Variants in EML6 observed in about 807,000 individuals in gnomAD.
EML6 encodes echinoderm microtubule-associated protein-like 6.
A neutral mutation model predicts 240.1 loss-of-function variants in EML6; 154 were observed. That is an observed-to-expected ratio of 0.64 (90% confidence interval 0.56 to 0.73). The LOEUF (loss-of-function observed/expected upper bound fraction) is 0.73. Among genes scored for constraint, EML6 ranks in the 30% least tolerant of loss-of-function variants. The pLI, the probability that EML6 is intolerant of heterozygous loss-of-function variation, is 0.00. For missense variants in EML6, 2,964 were observed against 2,474.6 expected, an observed-to-expected ratio of 1.20 and a Z score of -4.20; for synonymous variants, 1,148 against 899.0, an observed-to-expected ratio of 1.28 and a Z score of -4.95.
intron 26 of EML6, 82 bp from the exon 27 acceptor site, chr2:54,928,231 C>A: frequency 2.8e-6 from 3 of 1,057,264 alleles, no homozygotes; most frequent in Non-Finnish European, 2.9e-6. Context: ...TCCTTTGTAT[C>A]CAGTAGAAAC....
At chr2:54,726,718 T>G (rs960643191) in intron 2 of EML6, among the ~76,000 whole-genome samples, 9 of 152,350 alleles carry the variant, frequency 5.9e-5, no homozygotes, top group African/African-American at 2.2e-4. Flanking sequence ...GCTAGGCTGA[T>G]TATGAAAGTT....
chr2:54,755,817 G>A (rs545274100), intron 2 of EML6, among the ~76,000 whole-genome samples: 2 of 152,014 alleles, frequency 1.3e-5, no homozygotes, highest in Admixed American at 1.3e-4. Flanking sequence ...AGGCAACCAC[G>A]CCTGGCTAAT....
intron 2 of EML6, among the ~76,000 whole-genome samples, chr2:54,789,338 C>A (rs11125545): frequency 0.12 from 17,445 of 150,908 alleles, 1,455 homozygotes; most frequent in East Asian, 0.28. Flanking sequence ...ACGGTGAAAC[C>A]CCGTCTCTAC....
chr2:54,757,043 A>T (rs1341975825), intron 2 of EML6, among the ~76,000 whole-genome samples: 1 of 151,824 alleles, frequency 6.6e-6, no homozygotes, highest in Non-Finnish European at 1.5e-5. Flanking sequence ...TTTATATTTT[A>T]AAATGCTTTT....
At chr2:54,862,626 A>G (rs768834353) in intron 12 of EML6, among the ~76,000 whole-genome samples, 11 of 152,288 alleles carry the variant, frequency 7.2e-5, no homozygotes, top group Non-Finnish European at 1.2e-4. Flanking sequence ...TGGCAGAAAA[A>G]TTCCCAAGCC....
chr2:54,915,812 T>C (rs1673879876), intron 25 of EML6, among the ~76,000 whole-genome samples: 1 of 152,176 alleles, frequency 6.6e-6, no homozygotes, highest in Non-Finnish European at 1.5e-5. Context: ...GCTTTAATTT[T>C]AGCTACAGTT....
chr2:54,847,762 C>G (rs1669849088), intron 9 of EML6, 139 bp downstream of exon 9: 2 of 936,576 alleles, frequency 2.1e-6, no homozygotes, highest in Non-Finnish European at 3.1e-6. Context: ...TCTACGATCC[C>G]CTATCTGTAA....
At chr2:54,735,247 G>A (rs1683341373) in intron 2 of EML6, among the ~76,000 whole-genome samples, 1 of 152,192 alleles carries the variant, frequency 6.6e-6, no homozygotes, top group Non-Finnish European at 1.5e-5. Context: ...GCATCGTGTT[G>A]CATTTGTTGA....
At chr2:54,970,029 A>G (rs1487979470) in intron 41 of EML6, 42 bp from the exon 42 acceptor site, 1 of 1,549,962 alleles carries the variant, frequency 6.5e-7, no homozygotes, top group South Asian at 1.2e-5. Context: ...CACAAGTATG[A>G]TGTCCAGCTA....
intron 2 of EML6, among the ~76,000 whole-genome samples, chr2:54,796,201 T>C (rs557002556): frequency 1.8e-4 from 28 of 152,316 alleles, no homozygotes; most frequent in African/African-American, 6.5e-4. Context: ...TCTCTCCATA[T>C]CTACATCTAA....
intron 4 of EML6, among the ~76,000 whole-genome samples, chr2:54,819,435 T>G (rs1668224463): frequency 6.6e-6 from 1 of 152,174 alleles, no homozygotes; most frequent in African/African-American, 2.4e-5. Flanking sequence ...TTCTTGTCTC[T>G]GGATTGGAAA....
At chr2:54,906,991 C>T (rs1443241870) in intron 24 of EML6, among the ~76,000 whole-genome samples, 1 of 152,124 alleles carries the variant, frequency 6.6e-6, no homozygotes, top group Non-Finnish European at 1.5e-5. Context: ...ATGGCACAGC[C>T]GCCAGCCTCA....
rs1261477152 is a variant in EML6 at position 54,745,484 on chromosome 2, A to C, written c.197+20226A>C. 3.9e-5 allele frequency among the ~76,000 whole-genome samples: 6 copies of C among 152,204 alleles called. No homozygotes were observed. The East Asian group carries it at 7.7e-4, about 20-fold the overall frequency. On this transcript the variant is annotated intron_variant, in intron 2 of 41. Coordinates refer to ENST00000356458, the MANE Select transcript of EML6 (RefSeq NM_001039753.4). Reference sequence around the variant, plus strand: ...TGCATGTGAAATGAAAAGGCACAAGACCTTAAGACAGGCCAAGTCTGGTGG... The same window carrying C: ...TGCATGTGAAATGAAAAGGCACAAGCCCTTAAGACAGGCCAAGTCTGGTGG...
At chr2:54,857,145 G>A (rs997742551) in intron 11 of EML6, among the ~76,000 whole-genome samples, 1 of 152,228 alleles carries the variant, frequency 6.6e-6, no homozygotes. Flanking sequence ...ATAAGGGGAA[G>A]AGGAATGTCT....
intron 26 of EML6, among the ~76,000 whole-genome samples, chr2:54,923,719 T>C (rs1009798049): frequency 2.0e-5 from 3 of 152,176 alleles, no homozygotes; most frequent in Non-Finnish European, 4.4e-5. Flanking sequence ...CATGTACCTA[T>C]ATAAACATCT....
At chr2:54,818,360 CTG>C (rs1668172079) in intron 4 of EML6, among the ~76,000 whole-genome samples, 1 of 152,194 alleles carries the variant, frequency 6.6e-6, no homozygotes, top group Non-Finnish European at 1.5e-5. Context: ...AGTGACCAAA[CTG>C]AAAATTTAGG....
chr2:54,857,713 T>G (rs1573013639), intron 11 of EML6, among the ~76,000 whole-genome samples: 2 of 152,094 alleles, frequency 1.3e-5, no homozygotes, highest in South Asian at 4.1e-4. Flanking sequence ...TGAAGGAGAA[T>G]GAAGGATCCA....
At position 54,964,667 on chromosome 2, in the gene EML6, C is replaced by T. The variant is rs1263681393; in HGVS notation, c.5427C>T (p.Gly1809=). The T allele has an allele frequency of 1.9e-6, 3 of 1,552,328 alleles. No homozygotes were observed. The highest frequency in any genetic ancestry group is 2.6e-6 in the Non-Finnish European group (3 of 1,147,108). ...LTQGTNLNRI[G]YCKDIPSFVI... is the part of the protein sequence containing the mutation. Reference sequence around the variant, plus strand: ...AGGGCACAAATCTGAACCGCATTGGCTACTGCAAAGATATCCCAAGCTTTG... The same window carrying T: ...AGGGCACAAATCTGAACCGCATTGGTTACTGCAAAGATATCCCAAGCTTTG... Residue 1809 remains glycine, a synonymous_variant, in exon 38 of 42, where the codon GGC becomes GGT. Coordinates refer to ENST00000356458, the MANE Select transcript of EML6 (RefSeq NM_001039753.4).
chr2:54,895,256 A>G lies in EML6; in HGVS notation c.2855-17A>G. On this transcript the variant is annotated splice_polypyrimidine_tract_variant and intron_variant, in intron 20 of 41. Transcript: ENST00000356458. Reference sequence around the variant, plus strand: ...TTGTTTTTGTTATTGTGTTAAATATACCATCCCCTTCCCCAGGCTTGCTTT... The same window carrying G: ...TTGTTTTTGTTATTGTGTTAAATATGCCATCCCCTTCCCCAGGCTTGCTTT... 6.4e-7 allele frequency: 1 copy of G among 1,551,296 alleles called. No individual in the cohort carries two copies. Among genetic ancestry groups the G allele is most frequent in the South Asian group, 1.2e-5 (1 of 84,030 alleles).
Sources: gnomAD v4.1 joint callset for allele counts (sites outside exome capture counted in the v4.1 genomes callset) on GRCh38, gnomAD v4.1.1 for gene constraint, MANE v1.5 for transcripts, NCBI Gene and HGNC (gene_info 2026-07-23, HGNC 2026-07-21) for gene names.